Variants in CELF4 observed in about 807,000 individuals in gnomAD.
The protein encoded by CELF4 is CUG-BP- and ETR-3-like factor 4.
CELF4 carries 18 observed loss-of-function variants against 59.9 expected under a neutral mutation model. The observed-to-expected ratio is 0.30, with a 90% CI of 0.21 to 0.45. The LOEUF (loss-of-function observed/expected upper bound fraction) is 0.45. Among genes scored for constraint, CELF4 ranks in the 20% least tolerant of loss-of-function variants. The pLI, the probability that CELF4 is intolerant of heterozygous loss-of-function variation, is 1.00. For missense variants in CELF4, 456 were observed against 689.0 expected (o/e 0.66, Z 3.79); for synonymous variants, 261 against 267.1 (o/e 0.98, Z 0.22).
intron 3 of CELF4, among the ~76,000 whole-genome samples, chr18:37,296,454 C>T (rs185531725): frequency 1.3e-3 from 198 of 152,346 alleles, no homozygotes; most frequent in African/African-American, 4.2e-3. Flanking sequence ...GCTTGGCCTA[C>T]CAAAGCACTG....
chr18:37,321,990 GAC>G (rs2097139822), intron 2 of CELF4, 109 bp from the exon 3 acceptor site: 1 of 737,306 alleles, frequency 1.4e-6, no homozygotes, highest in Admixed American at 2.7e-5. Context: ...TGCACCCACA[GAC>G]ACGCGCTCCC....
At chr18:37,365,048 G>A (rs621579) in intron 2 of CELF4, among the ~76,000 whole-genome samples, 4,208 of 152,222 alleles carry the variant, frequency 0.028, 192 homozygotes, top group African/African-American at 0.096. Context: ...TGATGGGAGA[G>A]GTTGCTGGGA....
intron 2 of CELF4, among the ~76,000 whole-genome samples, chr18:37,370,237 G>A (rs551304312): frequency 1.3e-4 from 20 of 152,138 alleles, no homozygotes; most frequent in Non-Finnish European, 2.5e-4. Context: ...CTGCTTTCCC[G>A]AGCCCGAGGG....
chr18:37,343,062 C>A (rs1421021113), intron 2 of CELF4, among the ~76,000 whole-genome samples: 1 of 152,162 alleles, frequency 6.6e-6, no homozygotes, highest in Non-Finnish European at 1.5e-5. Flanking sequence ...AGGGTGTGCA[C>A]CGTGTGACCA....
intron 2 of CELF4, 83 bp downstream of exon 2, chr18:37,485,442 C>T (rs2099879122): frequency 1.2e-6 from 1 of 843,814 alleles, no homozygotes; most frequent in East Asian, 6.0e-5. Flanking sequence ...GTCCTCTCCC[C>T]GCGCGCCGCG....
chr18:37,404,656 G>A (rs2099363100), intron 2 of CELF4, among the ~76,000 whole-genome samples: 1 of 152,134 alleles, frequency 6.6e-6, no homozygotes, highest in Non-Finnish European at 1.5e-5. Context: ...TTGGTTCTTG[G>A]GGAGCTCGGC....
intron 1 of CELF4, among the ~76,000 whole-genome samples, chr18:37,490,564 C>T (rs1005853881): frequency 6.6e-6 from 1 of 151,762 alleles, no homozygotes; most frequent in Non-Finnish European, 1.5e-5. Context: ...TGTGGCCCTG[C>T]CTCAAAGCTT....
intron 2 of CELF4, among the ~76,000 whole-genome samples, chr18:37,435,198 G>A (rs1007643566): frequency 7.2e-5 from 11 of 152,168 alleles, no homozygotes; most frequent in African/African-American, 2.7e-4. Flanking sequence ...TTTTAGCTCA[G>A]CTGAGACAGG....
At chr18:37,472,801 T>C (rs1302309423) in intron 2 of CELF4, among the ~76,000 whole-genome samples, 1 of 151,986 alleles carries the variant, frequency 6.6e-6, no homozygotes, top group Non-Finnish European at 1.5e-5. Flanking sequence ...GAAGGAGAAA[T>C]GAGGATTACT....
intron 2 of CELF4, among the ~76,000 whole-genome samples, chr18:37,350,165 C>T (rs1042251987): frequency 1.3e-5 from 2 of 152,076 alleles, no homozygotes; most frequent in African/African-American, 4.8e-5. Flanking sequence ...CAGGGACAGG[C>T]ACACGATGGG....
In CELF4 at chr18:37,553,307, C is replaced by A. The variant is rs182821343; in HGVS notation, c.286+12049G>T. On this transcript the variant is annotated intron_variant, in intron 1 of 12. Coordinates refer to ENST00000420428, the MANE Select transcript of CELF4 (RefSeq NM_020180.4). ...TGCTCTACTGGGGCCTCAGCTGGAC[C>A]GGGGTGGTGAGTGTACCAATTGATC... 1.4e-4 allele frequency among the ~76,000 whole-genome samples: 22 copies of A among 152,226 alleles called. No homozygotes were observed. The East Asian group carries it at 4.1e-3, about 28-fold the overall frequency.
intron 3 of CELF4, among the ~76,000 whole-genome samples, chr18:37,277,985 G>A (rs907365980): frequency 6.6e-6 from 1 of 152,180 alleles, no homozygotes; most frequent in Non-Finnish European, 1.5e-5. Flanking sequence ...CTCTCCTGAC[G>A]TCTGAATGCA....
At chr18:37,324,511 C>T (rs760710574) in intron 2 of CELF4, among the ~76,000 whole-genome samples, 8 of 152,198 alleles carry the variant, frequency 5.3e-5, no homozygotes, top group Admixed American at 1.3e-4. Flanking sequence ...TTCCAGCCTC[C>T]GGAGCTGTGA....
chr18:37,492,235 C>A (rs2099908154), intron 1 of CELF4, among the ~76,000 whole-genome samples: 1 of 152,086 alleles, frequency 6.6e-6, no homozygotes, highest in Admixed American at 6.5e-5. Flanking sequence ...ACTAGCCAGA[C>A]CTAGGGGCCG....
intron 2 of CELF4, among the ~76,000 whole-genome samples, chr18:37,365,360 C>A (rs542430083): frequency 3.3e-5 from 5 of 151,952 alleles, no homozygotes; most frequent in South Asian, 2.1e-4. Flanking sequence ...AAACCTCATT[C>A]GAAGGGAGAA....
chr18:37,294,122 C>T (rs529238263), intron 3 of CELF4, among the ~76,000 whole-genome samples: 21 of 152,196 alleles, frequency 1.4e-4, no homozygotes, highest in South Asian at 6.2e-4. Flanking sequence ...CACTGTGGCA[C>T]GGGTGAGGGT....
chr18:37,474,204 G>T (rs1350842632), intron 2 of CELF4, among the ~76,000 whole-genome samples: 1 of 152,226 alleles, frequency 6.6e-6, no homozygotes, highest in Non-Finnish European at 1.5e-5. Flanking sequence ...AAGTGGAAGG[G>T]TGGCCACTTA....
intron 2 of CELF4, among the ~76,000 whole-genome samples, chr18:37,353,037 C>A (rs560752137): frequency 1.3e-5 from 2 of 151,820 alleles, no homozygotes; most frequent in Non-Finnish European, 2.9e-5. Context: ...CTGGCTAACA[C>A]GGTGAAACCC....
intron 1 of CELF4, chr18:37,485,899 G>A: frequency 9.4e-6 from 2 of 212,108 alleles, no homozygotes; most frequent in East Asian, 7.0e-5. Flanking sequence ...TCCTTACCCC[G>A]TACCCTGGTG....
Sources: allele counts gnomAD v4.1 joint callset (sites outside exome capture counted in the v4.1 genomes callset), GRCh38; gene constraint gnomAD v4.1.1; transcripts MANE v1.5; gene names NCBI Gene and HGNC (gene_info 2026-07-23, HGNC 2026-07-21).